The following SULF1 variants were observed in gnomAD, a reference collection of about 807,000 sequenced individuals.
SULF1 encodes the protein extracellular sulfatase Sulf-1.
Under a neutral mutation model 110.5 loss-of-function variants are expected in SULF1, and 46 were observed. The observed-to-expected ratio is 0.42, with a 90% CI of 0.33 to 0.53. SULF1 has a LOEUF of 0.53. Among genes scored for constraint, SULF1 ranks in the 20% least tolerant of loss-of-function variants. SULF1 has a pLI of 0.12. For synonymous variants in SULF1, 371 were observed against 387.1 expected (o/e 0.96, Z 0.49); for missense variants, 941 against 1,094.2 (o/e 0.86, Z 1.98).
At chr8:69,654,989 C>T (rs1209715377) in intron 22 of SULF1, among the ~76,000 whole-genome samples, 1 of 152,168 alleles carries the variant, frequency 6.6e-6, no homozygotes, top group East Asian at 1.9e-4. Flanking sequence ...CAAATTAGTA[C>T]AGTATTTTCC....
intron 1 of SULF1, chr8:69,473,218 T>C (rs1306429353): frequency 6.6e-6 from 1 of 152,202 alleles, no homozygotes; most frequent in African/African-American, 2.4e-5. Context: ...TGCTGTTTTA[T>C]TTTTGTTTTT....
intron 13 of SULF1, among the ~76,000 whole-genome samples, chr8:69,608,129 G>A (rs758955217): frequency 1.3e-5 from 2 of 152,174 alleles, no homozygotes; most frequent in Admixed American, 1.3e-4. Context: ...AGATCCAAAG[G>A]TTGGGGTTAG....
chr8:69,488,426 G>T (rs1809787805), upstream of SULF1, among the ~76,000 whole-genome samples: 1 of 152,192 alleles, frequency 6.6e-6, no homozygotes, highest in African/African-American at 2.4e-5. Flanking sequence ...AAACTCTCCA[G>T]GTGAGAATGA....
In SULF1 at chr8:69,658,537, C is replaced by T. The variant is rs141331130; in HGVS notation, c.*2C>T. 1.7e-4 allele frequency: 271 copies of T among 1,610,158 alleles called. 1 individual carries two copies. In the African/African-American group the frequency reaches 3.3e-3, roughly 19 times the overall value. On this transcript the variant is annotated 3_prime_UTR_variant, in exon 23 of 23. Transcript: ENST00000402687. The stretch of plus-strand genomic sequence containing the variant: ...TTATGGGATGGATGGGAAGGTTAAT[C>T]AGCCCCGTCTCACTGCAGACATCAA...
intron 3 of SULF1, among the ~76,000 whole-genome samples, chr8:69,545,366 AGGGTTAGTTAGGAGATATAATT>A (rs977644917): frequency 4.6e-5 from 7 of 152,312 alleles, no homozygotes; most frequent in African/African-American, 1.7e-4. Flanking sequence ...AAAAAACAGT[AGGGTTAGTTAGGAGATATAATT>A]GGGTATTTGA....
At chr8:69,593,260 G>C (rs144463657) in intron 8 of SULF1, among the ~76,000 whole-genome samples, 1 of 152,332 alleles carries the variant, frequency 6.6e-6, no homozygotes, top group Non-Finnish European at 1.5e-5. Flanking sequence ...ACAAGCTGCC[G>C]ATGGTAGTGC....
rs530776952 is a variant in SULF1 at position 69,602,863 on chromosome 8, C to T, written c.1062-329C>T. ...TATTGATTTTAAAGCTCTTGTTCAA[C>T]GGAAAAGTTATGGACTATTGGGTTT... On this transcript the variant is annotated intron_variant, in intron 10 of 22. Coordinates refer to ENST00000402687, the MANE Select transcript of SULF1 (RefSeq NM_001128205.2). Among the ~76,000 whole-genome samples, 52 of 152,212 alleles carry T rather than the reference C, an allele frequency of 3.4e-4. 1 individual carries two copies. Among genetic ancestry groups the T allele is most frequent in the Middle Eastern group, 3.4e-3 (1 of 294 alleles).
intron 5 of SULF1, among the ~76,000 whole-genome samples, chr8:69,566,362 A>G (rs1273915128): frequency 1.3e-5 from 2 of 152,144 alleles, no homozygotes; most frequent in African/African-American, 4.8e-5. Flanking sequence ...ACAGAATTCA[A>G]ATTTTCAGCC....
intron 6 of SULF1, among the ~76,000 whole-genome samples, chr8:69,582,067 C>T (rs572460374): frequency 6.6e-6 from 1 of 152,048 alleles, no homozygotes; most frequent in Non-Finnish European, 1.5e-5. Flanking sequence ...AAGGGGAATG[C>T]CATGGCAATG....
At chr8:69,585,500 C>A (rs1484452718) in intron 6 of SULF1, among the ~76,000 whole-genome samples, 1 of 152,118 alleles carries the variant, frequency 6.6e-6, no homozygotes, top group Non-Finnish European at 1.5e-5. Flanking sequence ...CTCCTGTCAT[C>A]ATCTTTTGCA....
chr8:69,553,918 C>G (rs563845798), intron 3 of SULF1, among the ~76,000 whole-genome samples: 1 of 152,234 alleles, frequency 6.6e-6, no homozygotes, highest in African/African-American at 2.4e-5. Context: ...CCCTGTTGCA[C>G]TGTAATCTCT....
At chr8:69,554,988 AAAAAAAAAAAC>A (rs546314462) in intron 3 of SULF1, among the ~76,000 whole-genome samples, 18,879 of 124,294 alleles carry the variant, frequency 0.15, 1,502 homozygotes, top group African/African-American at 0.21. Flanking sequence ...CAAAAAAAAA[AAAAAAAAAAAC>A]AAAAAAAAAA....
intron 3 of SULF1, among the ~76,000 whole-genome samples, chr8:69,511,182 A>G (rs934411282): frequency 5.9e-5 from 9 of 152,216 alleles, no homozygotes; most frequent in African/African-American, 2.2e-4. Context: ...AAATTAAGCA[A>G]TGAATGGGAA....
chr8:69,605,062 T>C, intron 13 of SULF1, 130 bp downstream of exon 13: 1 of 1,266,584 alleles, frequency 7.9e-7, no homozygotes. Context: ...GAGGGCAAGC[T>C]CACTGAGACA....
chr8:69,530,399 G>C (rs1167259855), intron 3 of SULF1, among the ~76,000 whole-genome samples: 1 of 152,104 alleles, frequency 6.6e-6, no homozygotes, highest in African/African-American at 2.4e-5. Flanking sequence ...CATTAGGAGG[G>C]CTCAGTCTGC....
rs1805582403 is a variant in SULF1, at chr8:69,575,982, T to C, written c.185T>C (p.Val62Ala). 1 of 1,613,744 alleles carries C rather than the reference T, an allele frequency of 6.2e-7. No homozygotes were observed. Among genetic ancestry groups the C allele is most frequent in the Non-Finnish European group, 8.5e-7 (1 of 1,179,894 alleles). ...DQDVELGSLQ[V>A]MNKTRKIMEH... is the part of the protein sequence containing the mutation. Reference sequence around the variant, plus strand: ...CTGTGCCTTTCAGGGTCCCTGCAAGTCATGAACAAAACGAGAAAGATTATG... The same window carrying C: ...CTGTGCCTTTCAGGGTCCCTGCAAGCCATGAACAAAACGAGAAAGATTATG... The change falls in exon 6 of 23, where the codon GTC becomes GCC. Residue 62 changes from valine (V) to alanine (A), a missense_variant. Physicochemically the swap from Val to Ala is moderately conservative, Grantham distance 64 (BLOSUM62 0). Around this residue, in one of 3 missense-constraint regions of SULF1, gnomAD observed 822 missense variants for 934.3 expected, o/e 0.88. Transcript: ENST00000402687.
intron 5 of SULF1, among the ~76,000 whole-genome samples, chr8:69,566,254 C>T (rs887737470): frequency 6.6e-6 from 1 of 152,080 alleles, no homozygotes; most frequent in African/African-American, 2.4e-5. Context: ...AGCTAAAATT[C>T]CCAGAAATAA....
At chr8:69,595,931 G>C (rs1272562557) in intron 8 of SULF1, among the ~76,000 whole-genome samples, 1 of 152,110 alleles carries the variant, frequency 6.6e-6, no homozygotes, top group Non-Finnish European at 1.5e-5. Flanking sequence ...ATACCCACCT[G>C]TCAAAAAGAA....
At chr8:69,530,026 C>T (rs531427942) in intron 3 of SULF1, among the ~76,000 whole-genome samples, 5 of 152,214 alleles carry the variant, frequency 3.3e-5, no homozygotes, top group East Asian at 1.9e-4. Context: ...TTTGGTGACT[C>T]GGTCTCATTT....
Sources: gnomAD v4.1 joint callset for allele counts (sites outside exome capture counted in the v4.1 genomes callset) on GRCh38, gnomAD v4.1.1 for gene constraint, gnomAD v4.1.1 regional missense constraint, MANE v1.5 for transcripts, NCBI Gene and HGNC (gene_info 2026-07-23, HGNC 2026-07-21) for gene names.